Variants in PYY observed in about 807,000 individuals in gnomAD.
PYY encodes the protein peptide YY, also known as peptide tyrosine tyrosine.
A neutral mutation model predicts 10.3 loss-of-function variants in PYY; 12 were observed. The ratio of observed to expected loss-of-function variants is 1.17; its 90% CI spans 0.75 to 1.89. The LOEUF is 1.89. PYY is among the 40% of genes most tolerant of loss of function. The pLI is 0.00. For synonymous variants in PYY, 66 were observed against 62.0 expected (o/e 1.06, Z -0.30); for missense variants, 141 against 134.0 (o/e 1.05, Z -0.26).
chr17:43,993,446 G>A lies in PYY; in HGVS notation c.-463+10945C>T, dbSNP rs559699306. ...TGCACTCCAGCTTGGGAGACAGAGC[G>A]CAACTCCATCTCCAAAAAAAAAAAA... On this transcript the variant is annotated intron_variant, in intron 1 of 6. Transcript: ENST00000360085. Among the ~76,000 whole-genome samples the A allele has an allele frequency of 3.4e-4, 49 of 143,976 alleles. 1 individual carries two copies. Among genetic ancestry groups the A allele is most frequent in the Non-Finnish European group, 6.4e-4 (42 of 66,078 alleles). The allele number at this position is 143,976 out of a possible 152,430, so 94.5% of individuals were successfully genotyped here.
intron 1 of PYY, among the ~76,000 whole-genome samples, chr17:43,993,251 G>A (rs984052566): frequency 2.0e-5 from 3 of 152,148 alleles, no homozygotes; most frequent in African/African-American, 7.2e-5. Flanking sequence ...ACGAGGTCAG[G>A]AGATCGAGAC....
chr17:43,993,254 A>T (rs1475367034), intron 1 of PYY, among the ~76,000 whole-genome samples: 2 of 151,870 alleles, frequency 1.3e-5, no homozygotes, highest in Non-Finnish European at 2.9e-5. Context: ...AGGTCAGGAG[A>T]TCGAGACCAA....
chr17:43,960,752 A>G (rs1398395418), intron 2 of PYY, among the ~76,000 whole-genome samples: 1 of 150,664 alleles, frequency 6.6e-6, no homozygotes, highest in Non-Finnish European at 1.5e-5. Flanking sequence ...CAGGAGACTG[A>G]GGCAGCAGAA....
At chr17:43,994,031 A>G (rs768156340) in intron 1 of PYY, among the ~76,000 whole-genome samples, 7 of 151,842 alleles carry the variant, frequency 4.6e-5, no homozygotes, top group Non-Finnish European at 1.0e-4. Context: ...TTTTCAAATT[A>G]TTTGTAGAGA....
chr17:43,996,728 C>A (rs536576944), intron 1 of PYY, among the ~76,000 whole-genome samples: 3 of 152,256 alleles, frequency 2.0e-5, no homozygotes, highest in Admixed American at 6.5e-5. Flanking sequence ...TGCTCTGTTG[C>A]CCAAGCTGGA....
At chr17:43,958,180 G>A (rs557999153), upstream of PYY, among the ~76,000 whole-genome samples, 2 of 130,426 alleles carry the variant, frequency 1.5e-5, no homozygotes, top group Non-Finnish European at 3.1e-5. Context: ...TAGTGCTTCA[G>A]TAAATCTTTA....
chr17:43,953,536 C>G lies in PYY; in HGVS notation c.1-53G>C, dbSNP rs2048650226. 2.7e-6 allele frequency: 4 copies of G among 1,466,770 alleles called. No individual in the cohort carries two copies. The Admixed American group carries it at 1.0e-4, about 37-fold the overall frequency. 90.9% of individuals were successfully genotyped at this position (1,466,770 alleles called of 1,614,324 possible). ...CATTCCAAGCCTCGACCCTACACGG[C>G]GGGAGGCTGCGGCTGCCGTCGGGGC... On this transcript the variant is annotated intron_variant, in intron 1 of 3. Transcript: ENST00000692052.
intron 1 of PYY, 118 bp downstream of exon 1, chr17:43,953,732 T>G: frequency 3.2e-6 from 1 of 313,876 alleles, no homozygotes; most frequent in East Asian, 4.4e-5. Context: ...CCTTCCCACC[T>G]CCGATGGCCC....
At chr17:43,955,494 G>T (rs1206263372), upstream of PYY, among the ~76,000 whole-genome samples, 1 of 152,150 alleles carries the variant, frequency 6.6e-6, no homozygotes, top group Non-Finnish European at 1.5e-5. Flanking sequence ...CAGGCCCCAT[G>T]GGACTCCACA....
intron 1 of PYY, among the ~76,000 whole-genome samples, chr17:43,989,682 C>T (rs1192560158): frequency 6.6e-6 from 1 of 151,024 alleles, no homozygotes; most frequent in Non-Finnish European, 1.5e-5. Flanking sequence ...GGCTCCACAC[C>T]TATAATCCCA....
upstream of PYY, among the ~76,000 whole-genome samples, chr17:43,954,223 G>A (rs8067852): frequency 6.9e-3 from 1,058 of 152,296 alleles, 8 homozygotes; most frequent in African/African-American, 0.024. Flanking sequence ...CTGAGGAAGT[G>A]AAGCGGTTGG....
chr17:43,956,833 A>G (rs767793402), upstream of PYY, among the ~76,000 whole-genome samples: 15 of 152,196 alleles, frequency 9.9e-5, no homozygotes, highest in Admixed American at 3.3e-4. Flanking sequence ...ACTGTGTGGC[A>G]CTGCTCCACT....
chr17:43,990,167 G>A (rs2048946943), intron 1 of PYY, among the ~76,000 whole-genome samples: 1 of 151,298 alleles, frequency 6.6e-6, no homozygotes, highest in Non-Finnish European at 1.5e-5. Flanking sequence ...ACGGGGCGAG[G>A]TGGCTCACAC....
intron 1 of PYY, among the ~76,000 whole-genome samples, chr17:43,970,796 A>G (rs1415743477): frequency 6.6e-6 from 1 of 152,198 alleles, no homozygotes; most frequent in Non-Finnish European, 1.5e-5. Context: ...TCTTTTAGGG[A>G]ATATCACACA....
At chr17:43,974,253 G>A (rs945385233) in intron 1 of PYY, among the ~76,000 whole-genome samples, 1 of 151,584 alleles carries the variant, frequency 6.6e-6, no homozygotes. Context: ...TTGTGTCCCC[G>A]GATGCTACTG....
At chr17:43,963,734 G>A (rs1171066658) in intron 2 of PYY, among the ~76,000 whole-genome samples, 13 of 151,974 alleles carry the variant, frequency 8.6e-5, no homozygotes, top group East Asian at 7.7e-4. Flanking sequence ...TTGGGAAGCC[G>A]AGGTGGGTGG....
intron 1 of PYY, among the ~76,000 whole-genome samples, chr17:43,988,769 C>A (rs779962056): frequency 7.3e-6 from 1 of 137,218 alleles, no homozygotes; most frequent in Non-Finnish European, 1.6e-5. Context: ...TTCTTTCTGT[C>A]TTTTTTTTTT....
chr17:43,973,635 AAAT>A (rs2048810234), intron 1 of PYY, among the ~76,000 whole-genome samples: 2 of 152,112 alleles, frequency 1.3e-5, no homozygotes, highest in South Asian at 4.1e-4. Flanking sequence ...TCTCTACTAA[AAAT>A]ACAAAAATTA....
chr17:43,994,461 G>A (rs892193052), intron 1 of PYY, among the ~76,000 whole-genome samples: 2 of 152,136 alleles, frequency 1.3e-5, no homozygotes, highest in Non-Finnish European at 2.9e-5. Context: ...CGCAGCCACC[G>A]TGTAAGGTAG....
Sources: allele counts gnomAD v4.1 joint callset (sites outside exome capture counted in the v4.1 genomes callset), GRCh38; gene constraint gnomAD v4.1.1; transcripts MANE v1.5; gene names NCBI Gene and HGNC (gene_info 2026-07-23, HGNC 2026-07-21).